The following SHANK2 variants were observed in gnomAD, a reference collection of about 807,000 sequenced individuals.
SHANK2 encodes SH3 and multiple ankyrin repeat domains protein 2.
SHANK2 carries 43 observed loss-of-function variants against 133.7 expected under a neutral mutation model. The ratio of observed to expected loss-of-function variants is 0.32; its 90% confidence interval spans 0.25 to 0.41. The LOEUF (loss-of-function observed/expected upper bound fraction) is 0.41. Among genes scored for constraint, SHANK2 ranks in the 10% least tolerant of loss-of-function variants. SHANK2 has a pLI of 1.00. For missense variants in SHANK2, 1,994 were observed against 2,235.8 expected (o/e 0.89, Z 2.18); for synonymous variants, 1,017 against 952.8 (o/e 1.07, Z -1.24).
rs1393270255 is a variant in SHANK2 at position 70,592,234 on chromosome 11, AC to A, written c.2061+67593del. On this transcript the variant is annotated intron_variant, in intron 17 of 25. Transcript: ENST00000601538. ...TCCGTCTTCCCTCTGCACGCAGGGGACAGGGGAAAGACAGAGGCAGCTGTCG... is the reference window on the plus strand; with the variant it reads ...TCCGTCTTCCCTCTGCACGCAGGGGAAGGGGAAAGACAGAGGCAGCTGTCG... Among the ~76,000 whole-genome samples, 13 of 151,974 alleles carry A rather than the reference AC, an allele frequency of 8.6e-5. No homozygotes were observed. In the South Asian group the frequency reaches 1.7e-3, roughly 19 times the overall value.
At chr11:71,236,351 G>T (rs1445414222) in intron 1 of SHANK2, among the ~76,000 whole-genome samples, 1 of 152,246 alleles carries the variant, frequency 6.6e-6, no homozygotes, top group East Asian at 1.9e-4. Flanking sequence ...GCTCATGCCT[G>T]TAATCCCAGC....
intron 11 of SHANK2, among the ~76,000 whole-genome samples, chr11:70,889,028 T>C (rs545407630): frequency 3.9e-5 from 6 of 152,220 alleles, no homozygotes; most frequent in South Asian, 4.1e-4. Flanking sequence ...GTGAGTTCCC[T>C]AGAGTGGGTG....
At chr11:70,725,521 G>T (rs528810337) in intron 14 of SHANK2, among the ~76,000 whole-genome samples, 45 of 152,346 alleles carry the variant, frequency 3.0e-4, no homozygotes, top group Admixed American at 2.5e-3. Flanking sequence ...GGCTAATGAG[G>T]TCAGAGCAAG....
At chr11:70,841,717 T>A (rs1043518107) in intron 11 of SHANK2, among the ~76,000 whole-genome samples, 1 of 152,180 alleles carries the variant, frequency 6.6e-6, no homozygotes, top group Non-Finnish European at 1.5e-5. Flanking sequence ...GGGGTGAGTC[T>A]CCAGCCCGCA....
At chr11:71,114,396 C>A (rs530430617) in intron 4 of SHANK2, among the ~76,000 whole-genome samples, 2 of 152,200 alleles carry the variant, frequency 1.3e-5, no homozygotes, top group Non-Finnish European at 2.9e-5. Flanking sequence ...GTGAGCTCAT[C>A]CTGAAACTGA....
intron 14 of SHANK2, among the ~76,000 whole-genome samples, chr11:70,704,992 T>A (rs1015680121): frequency 2.6e-4 from 39 of 152,180 alleles, no homozygotes; most frequent in Admixed American, 2.4e-3. Flanking sequence ...CCCACCAGCA[T>A]TGTCTTTTTG....
rs545401803 is a variant in SHANK2 at position 71,168,182 on chromosome 11, G to A, written c.-12-20844C>T. On this transcript the variant is annotated intron_variant, in intron 2 of 25. Transcript: ENST00000601538. Reference sequence around the variant, plus strand: ...CGGGCAGAGACGCTCCTCACATCCCGCACGGGGCGGCAGGGCAGAGGTGCT... The same window carrying A: ...CGGGCAGAGACGCTCCTCACATCCCACACGGGGCGGCAGGGCAGAGGTGCT... 6.7e-5 allele frequency among the ~76,000 whole-genome samples: 8 copies of A among 119,826 alleles called. 1 individual carries two copies. The highest frequency in any genetic ancestry group is 5.8e-4 in the South Asian group (2 of 3,448). 78.6% of individuals were successfully genotyped at this position (119,826 alleles called of 152,430 possible). A position where few individuals can be genotyped will look rare whatever the true frequency, so the allele number is the denominator to read the frequency against.
intron 12 of SHANK2, among the ~76,000 whole-genome samples, chr11:70,810,613 C>T (rs1555052996): frequency 6.6e-6 from 1 of 152,258 alleles, no homozygotes; most frequent in Non-Finnish European, 1.5e-5. Context: ...ACGGCCTGAA[C>T]CTCCCGTCAC....
At chr11:71,059,071 G>A (rs1950956601) in intron 9 of SHANK2, among the ~76,000 whole-genome samples, 2 of 152,182 alleles carry the variant, frequency 1.3e-5, no homozygotes, top group Non-Finnish European at 2.9e-5. Context: ...ACAAAACTTA[G>A]CTGGGTGCGG....
chr11:70,829,530 G>A (rs1948695864), intron 11 of SHANK2, among the ~76,000 whole-genome samples: 1 of 152,086 alleles, frequency 6.6e-6, no homozygotes, highest in Admixed American at 6.5e-5. Flanking sequence ...TGCACCCCAT[G>A]TCCCATCTGG....
intron 17 of SHANK2, among the ~76,000 whole-genome samples, chr11:70,551,496 G>A (rs1554978030): frequency 6.6e-6 from 1 of 152,196 alleles, no homozygotes; most frequent in Non-Finnish European, 1.5e-5. Context: ...GCGACCGCAT[G>A]CCTGTTATCT....
intron 17 of SHANK2, among the ~76,000 whole-genome samples, chr11:70,567,404 G>A (rs1708667426): frequency 6.6e-6 from 1 of 152,112 alleles, no homozygotes; most frequent in Non-Finnish European, 1.5e-5. Flanking sequence ...CGAGGTGGGT[G>A]GATCACGAGG....
rs565663692 is a variant in SHANK2, at chr11:70,568,007, T to A, written c.2062-65076A>T. On this transcript the variant is annotated intron_variant, in intron 17 of 25. Coordinates refer to ENST00000601538, the MANE Select transcript of SHANK2 (RefSeq NM_012309.5). ...CAAAAGAGTTAATGGGGAGACAGGA[T>A]GTGAAATGGGTCTGGGCCATCAGCT... Among the ~76,000 whole-genome samples the A allele has an allele frequency of 4.6e-5, 7 of 152,172 alleles. No individual in the cohort carries two copies. The South Asian group carries it at 1.2e-3, about 27-fold the overall frequency.
intron 14 of SHANK2, among the ~76,000 whole-genome samples, chr11:70,764,752 A>C (rs1947080528): frequency 6.7e-6 from 1 of 148,720 alleles, no homozygotes; most frequent in Non-Finnish European, 1.5e-5. Flanking sequence ...ATCCATTCAC[A>C]CATCTGTCCA....
intron 15 of SHANK2, among the ~76,000 whole-genome samples, chr11:70,666,638 A>C (rs1451209261): frequency 1.3e-5 from 2 of 152,088 alleles, no homozygotes; most frequent in African/African-American, 4.8e-5. Flanking sequence ...CCCACTCTCC[A>C]CATGCAGATG....
chr11:71,147,444 A>G (rs1293932437), intron 2 of SHANK2, 106 bp from the exon 3 acceptor site: 8 of 861,620 alleles, frequency 9.3e-6, no homozygotes, highest in Non-Finnish European at 1.3e-5. Flanking sequence ...GCTCGGTTTC[A>G]CAGTCTGTGT....
At chr11:70,491,895 C>T (rs192748780) in intron 22 of SHANK2, among the ~76,000 whole-genome samples, 58 of 152,238 alleles carry the variant, frequency 3.8e-4, no homozygotes, top group African/African-American at 1.3e-3. Context: ...CTTCTGGCTC[C>T]GAGGACAAGT....
rs1269922244 is a variant in SHANK2, at chr11:70,471,272, AAAAAC to A, written c.*1592_*1596del. 7.5e-6 allele frequency: 3 copies of A among 398,868 alleles called. No homozygotes were observed. Among genetic ancestry groups the A allele is most frequent in the Non-Finnish European group, 8.8e-6 (2 of 226,048 alleles). The allele number at this position is 398,868 out of a possible 1,614,324, so 24.7% of individuals were successfully genotyped here. ...CTAATCAAGAAAAAAAGGAAAAAAA[AAAAAC>A]AAAACCATGTTTTATAATTAGAGAT... On this transcript the variant is annotated 3_prime_UTR_variant, in exon 26 of 26. Transcript: ENST00000601538. This position sits in a 1 kb window ranked among gnomAD's most constrained non-coding sequence, Gnocchi z 4.1.
At chr11:70,559,343 C>T (rs1000701088) in intron 17 of SHANK2, among the ~76,000 whole-genome samples, 1 of 152,170 alleles carries the variant, frequency 6.6e-6, no homozygotes, top group African/African-American at 2.4e-5. Context: ...TTTTTTAGAA[C>T]ACTTTTAGCT....
Sources: allele counts gnomAD v4.1 joint callset (sites outside exome capture counted in the v4.1 genomes callset), GRCh38; gene constraint gnomAD v4.1.1; non-coding constraint Gnocchi (gnomAD v3.1); transcripts MANE v1.5; gene names NCBI Gene and HGNC (gene_info 2026-07-23, HGNC 2026-07-21).